Variants in PRSS27 observed in about 807,000 individuals in gnomAD.
PRSS27 encodes the protein serine protease 27, also known as channel-activating protease 2.
A neutral mutation model predicts 32.0 loss-of-function variants in PRSS27; 25 were observed. The observed-to-expected ratio is 0.78, with a 90% CI of 0.57 to 1.09. PRSS27 has a LOEUF of 1.09. Ranked by LOEUF, PRSS27 falls within the 50% of genes least tolerant of loss-of-function variation. PRSS27 has a pLI of 0.00. For synonymous variants in PRSS27, 178 were observed against 172.2 expected (o/e 1.03, Z -0.26); for missense variants, 401 against 394.9 (o/e 1.02, Z -0.13).
chr16:2,720,220 C>G lies in PRSS27; in HGVS notation c.-60G>C. On this transcript the variant is annotated 5_prime_UTR_variant, in exon 1 of 6. Transcript: ENST00000302641. ...CGGCGGTGGCAGAAGCGTTGGAGCA[C>G]GAGCGAGGTGCAGGCTCCATGAAGT... The G allele has an allele frequency of 5.6e-6, 8 of 1,432,316 alleles. No individual in the cohort carries two copies. The highest frequency in any genetic ancestry group is 1.9e-6 in the Non-Finnish European group (2 of 1,041,810). The allele number at this position is 1,432,316 out of a possible 1,614,324, so 88.7% of individuals were successfully genotyped here.
At chr16:2,720,040 A>C (rs1265456352) in intron 1 of PRSS27, 75 bp downstream of exon 1, 3 of 1,362,758 alleles carry the variant, frequency 2.2e-6, no homozygotes, top group Non-Finnish European at 3.1e-6. Flanking sequence ...TAGGGGGCTG[A>C]GCCGGAGCCC....
In PRSS27 at chr16:2,720,211, G is replaced by A. The variant is rs755830912; in HGVS notation, c.-51C>T. Reference sequence around the variant, plus strand: ...GGCCGTGGTCGGCGGTGGCAGAAGCGTTGGAGCACGAGCGAGGTGCAGGCT... The same window carrying A: ...GGCCGTGGTCGGCGGTGGCAGAAGCATTGGAGCACGAGCGAGGTGCAGGCT... On this transcript the variant is annotated 5_prime_UTR_variant, in exon 1 of 6. The change creates a new upstream start codon in the 5' untranslated region. Transcript: ENST00000302641. 2 of 1,506,286 alleles carry A rather than the reference G, an allele frequency of 1.3e-6. No individual in the cohort carries two copies. Among genetic ancestry groups the A allele is most frequent in the Admixed American group, 2.0e-5 (1 of 51,230 alleles). The allele number at this position is 1,506,286 out of a possible 1,614,324, so 93.3% of individuals were successfully genotyped here. A position where few individuals can be genotyped will look rare whatever the true frequency, so the allele number is the denominator to read the frequency against.
chr16:2,714,467 C>A lies in PRSS27; in HGVS notation c.237-131G>T. On this transcript the variant is annotated intron_variant, in intron 3 of 5. Coordinates refer to ENST00000302641, the MANE Select transcript of PRSS27 (RefSeq NM_031948.5). The surrounding 1 kb of genome is among the most constrained non-coding windows in gnomAD (Gnocchi z 4.7). ...TGCACAATGTCTTCGAGAGTCATCT[C>A]TAGGACAGCCAGGTGCAGCGGTGAT... 9.5e-7 allele frequency: 1 copy of A among 1,051,386 alleles called. No individual in the cohort carries two copies. The highest frequency in any genetic ancestry group is 1.4e-6 in the Non-Finnish European group (1 of 719,198). 65.1% of individuals were successfully genotyped at this position (1,051,386 alleles called of 1,614,324 possible).
At chr16:2,719,690 C>T (rs1038303824) in intron 1 of PRSS27, among the ~76,000 whole-genome samples, 2 of 152,162 alleles carry the variant, frequency 1.3e-5, no homozygotes, top group Non-Finnish European at 2.9e-5. Context: ...GCCCTCGGCT[C>T]GGCCACCCTC....
At chr16:2,720,086 C>T in intron 1 of PRSS27, 29 bp downstream of exon 1, 2 of 1,585,986 alleles carry the variant, frequency 1.3e-6, no homozygotes, top group South Asian at 1.1e-5. Context: ...GGGACTGCAC[C>T]ACCAGGACCC....
intron 5 of PRSS27, chr16:2,713,035 C>T: frequency 1.8e-6 from 1 of 548,950 alleles, no homozygotes; most frequent in Non-Finnish European, 3.2e-6. Flanking sequence ...AATGCAGTTT[C>T]TTGTGCCCCA....
Position 2,712,859 on chromosome 16 carries a change from C to T in PRSS27, c.679-45G>A. On this transcript the variant is annotated intron_variant, in intron 5 of 5. Coordinates refer to ENST00000302641, the MANE Select transcript of PRSS27 (RefSeq NM_031948.5). This position sits in a 1 kb window ranked among gnomAD's most constrained non-coding sequence, Gnocchi z 4.6. ...ACCGTCAGAGCCCACCTTGAGTTCC[C>T]AGAGACTCAGTTGCAGCCGCACAGG... 7.0e-7 allele frequency: 1 copy of T among 1,429,040 alleles called. No homozygotes were observed. 88.5% of individuals were successfully genotyped at this position (1,429,040 alleles called of 1,614,324 possible).
At chr16:2,716,566 G>A in intron 1 of PRSS27, 40 bp from the exon 2 acceptor site, 1 of 1,577,986 alleles carries the variant, frequency 6.3e-7, no homozygotes, top group Non-Finnish European at 8.6e-7. Flanking sequence ...GCCAGCTGCA[G>A]CCTGGCCTGC....
At chr16:2,713,101 CTTTT>C in intron 5 of PRSS27, 4 of 416,312 alleles carry the variant, frequency 9.6e-6, no homozygotes, top group Non-Finnish European at 1.3e-5. Flanking sequence ...TCTGCTTTTT[CTTTT>C]TTTTTTTTAT....
rs2067687003 is a variant in PRSS27 at position 2,714,338 on chromosome 16, T to C, written c.237-2A>G. The C allele has an allele frequency of 6.2e-7, 1 of 1,612,118 alleles. No homozygotes were observed. Among genetic ancestry groups the C allele is most frequent in the Non-Finnish European group, 8.5e-7 (1 of 1,179,958 alleles). On this transcript the variant is annotated splice_acceptor_variant, in intron 3 of 5. Coordinates refer to ENST00000302641, the MANE Select transcript of PRSS27 (RefSeq NM_031948.5). LOFTEE classifies it high-confidence loss of function. The surrounding 1 kb of genome is among the most constrained non-coding windows in gnomAD (Gnocchi z 4.7). ...TGGTACAGGGACGTCTCAGAGGTGC[T>C]GGCGGGAGAAACAGAGAGGCGGCGT...
Position 2,715,737 on chromosome 16 carries a change from C to A in PRSS27, c.217G>T (p.Ala73Ser). The change falls in exon 3 of 6, where the codon GCT becomes TCT. Residue 73 changes from alanine to serine, a missense_variant. By Grantham distance (99) the Ala-to-Ser change is moderately conservative. Coordinates refer to ENST00000302641, the MANE Select transcript of PRSS27 (RefSeq NM_031948.5). ...ACTCACTTGCGGAAGCAGTGCGCAG[C>A]CGTCAGGACCCACTGCTCCGCGATG... ...SLIAEQWVLTAAHCFRNTSET... is the reference protein window; with the variant it reads ...SLIAEQWVLTSAHCFRNTSET... 6.4e-7 allele frequency: 1 copy of A among 1,558,714 alleles called. No individual in the cohort carries two copies. The highest frequency in any genetic ancestry group is 1.2e-5 in the South Asian group (1 of 85,118).
rs532706578 is a variant in PRSS27, at chr16:2,712,962, G to A, written c.679-148C>T. On this transcript the variant is annotated intron_variant, in intron 5 of 5. Coordinates refer to ENST00000302641, the MANE Select transcript of PRSS27 (RefSeq NM_031948.5). This position sits in a 1 kb window ranked among gnomAD's most constrained non-coding sequence, Gnocchi z 4.6. ...CCGGCTCCCCATCCCCTGCCAGTCC[G>A]ATTGTCTAAAGTGCCTATTCTTTAG... is the stretch of plus-strand genomic sequence containing the variant. 49 of 637,592 alleles carry A rather than the reference G, an allele frequency of 7.7e-5. No homozygotes were observed. The highest frequency in any genetic ancestry group is 7.1e-4 in the South Asian group (33 of 46,740). The allele number at this position is 637,592 out of a possible 1,614,324, so 39.5% of individuals were successfully genotyped here. A position where few individuals can be genotyped will look rare whatever the true frequency, so the allele number is the denominator to read the frequency against.
chr16:2,716,769 A>C, intron 1 of PRSS27: 1 of 550,262 alleles, frequency 1.8e-6, no homozygotes, highest in Non-Finnish European at 3.3e-6. Flanking sequence ...TCCTTGCCAC[A>C]TGGGGAGCCG....
At chr16:2,715,490 C>CG in intron 3 of PRSS27, 1 of 429,510 alleles carries the variant, frequency 2.3e-6, no homozygotes, top group Non-Finnish European at 3.9e-6. Context: ...TGGAGGGGGT[C>CG]GGGGGGCGGT....
chr16:2,713,955 T>G, intron 4 of PRSS27, 110 bp downstream of exon 4: 1 of 1,222,930 alleles, frequency 8.2e-7, no homozygotes, highest in East Asian at 2.3e-5. Context: ...AGAGACCGTG[T>G]GTATGTATTA....
At position 2,712,977 on chromosome 16, in the gene PRSS27, C is replaced by T. The variant is rs1372231283; in HGVS notation, c.679-163G>A. Reference sequence around the variant, plus strand: ...CTGCCAGTCCGATTGTCTAAAGTGCCTATTCTTTAGTGTCCCCAGATCAAC... The same window carrying T: ...CTGCCAGTCCGATTGTCTAAAGTGCTTATTCTTTAGTGTCCCCAGATCAAC... On this transcript the variant is annotated intron_variant, in intron 5 of 5. Coordinates refer to ENST00000302641, the MANE Select transcript of PRSS27 (RefSeq NM_031948.5). This position sits in a 1 kb window ranked among gnomAD's most constrained non-coding sequence, Gnocchi z 4.6. The T allele has an allele frequency of 4.9e-6, 3 of 607,398 alleles. No homozygotes were observed. Among genetic ancestry groups the T allele is most frequent in the African/African-American group, 1.9e-5 (1 of 53,792 alleles). The allele number at this position is 607,398 out of a possible 1,614,324, so 37.6% of individuals were successfully genotyped here. A position where few individuals can be genotyped will look rare whatever the true frequency, so the allele number is the denominator to read the frequency against.
intron 5 of PRSS27, chr16:2,713,243 C>T (rs550699217): frequency 6.3e-4 from 293 of 464,262 alleles, no homozygotes; most frequent in African/African-American, 2.8e-3. Context: ...GGACTACAGG[C>T]GCCCACCACC....
At position 2,712,612 on chromosome 16, in the gene PRSS27, C is replaced by T. The variant is rs374564524; in HGVS notation, c.*8G>A. 2.4e-5 allele frequency: 38 copies of T among 1,571,804 alleles called. No homozygotes were observed. The highest frequency in any genetic ancestry group is 2.2e-5 in the Non-Finnish European group (26 of 1,158,302). ...GCTCTGCTCAAGGGGCTCCTGGCCC[C>T]GGGGGTCTCACTTCTGGCCGCCCAA... On this transcript the variant is annotated 3_prime_UTR_variant, in exon 6 of 6. Coordinates refer to ENST00000302641, the MANE Select transcript of PRSS27 (RefSeq NM_031948.5). The surrounding 1 kb of genome is among the most constrained non-coding windows in gnomAD (Gnocchi z 4.6).
chr16:2,714,251 T>C lies in PRSS27; in HGVS notation c.322A>G (p.Arg108Gly). ...PGPHAMYARV[R>G]QVESNPLYQG... is the part of the protein sequence containing the mutation. ...TACAGGGGGTTGCTCTCCACCTGCC[T>C]CACCCGGGCATACATAGCGTGTGGT... Residue 108 changes from arginine to glycine, a missense_variant, in exon 4 of 6, where the codon AGG becomes GGG. Coordinates refer to ENST00000302641, the MANE Select transcript of PRSS27 (RefSeq NM_031948.5). The surrounding 1 kb of genome is among the most constrained non-coding windows in gnomAD (Gnocchi z 4.7). 6.2e-7 allele frequency: 1 copy of C among 1,613,478 alleles called. No individual in the cohort carries two copies. Among genetic ancestry groups the C allele is most frequent in the Non-Finnish European group, 8.5e-7 (1 of 1,179,748 alleles).
Sources: gnomAD v4.1 joint callset for allele counts (sites outside exome capture counted in the v4.1 genomes callset) on GRCh38, gnomAD v4.1.1 for gene constraint, Gnocchi (gnomAD v3.1) non-coding constraint, MANE v1.5 for transcripts, NCBI Gene and HGNC (gene_info 2026-07-23, HGNC 2026-07-21) for gene names.